The following PTPRN2 variants were observed in gnomAD, a reference collection of about 807,000 sequenced individuals.
PTPRN2 encodes receptor-type tyrosine-protein phosphatase N2.
PTPRN2 carries 74 observed loss-of-function variants against 118.8 expected under a neutral mutation model. That is an observed-to-expected ratio of 0.62 (90% CI 0.52 to 0.76). The LOEUF (loss-of-function observed/expected upper bound fraction) is 0.76. PTPRN2 is among the 30% of genes least tolerant of loss of function. PTPRN2 has a pLI of 0.00. For synonymous variants in PTPRN2, 641 were observed against 608.0 expected (o/e 1.05, Z -0.80); for missense variants, 1,481 against 1,394.4 (o/e 1.06, Z -0.99).
At chr7:157,822,987 C>T (rs1806945769) in intron 12 of PTPRN2, among the ~76,000 whole-genome samples, 2 of 152,124 alleles carry the variant, frequency 1.3e-5, no homozygotes, top group African/African-American at 4.8e-5. Context: ...ATTCATCCAT[C>T]CACCCATGAT....
intron 3 of PTPRN2, among the ~76,000 whole-genome samples, chr7:158,263,723 GC>G (rs1184932962): frequency 6.6e-6 from 1 of 152,196 alleles, no homozygotes; most frequent in Non-Finnish European, 1.5e-5. Flanking sequence ...CACCTCAACG[GC>G]CCTTTTCCCA....
At chr7:157,876,449 G>A (rs552401620) in intron 12 of PTPRN2, among the ~76,000 whole-genome samples, 2 of 152,310 alleles carry the variant, frequency 1.3e-5, no homozygotes, top group South Asian at 4.1e-4. Flanking sequence ...TTTTCCTGTG[G>A]CAAGTTATCC....
intron 11 of PTPRN2, among the ~76,000 whole-genome samples, chr7:157,960,993 C>T (rs1188855506): frequency 2.6e-5 from 4 of 151,196 alleles, no homozygotes; most frequent in Admixed American, 6.6e-5. Flanking sequence ...GGTGACAGAG[C>T]GAGACTCCGT....
At chr7:157,775,223 C>T (rs879923286) in intron 12 of PTPRN2, among the ~76,000 whole-genome samples, 5 of 152,196 alleles carry the variant, frequency 3.3e-5, no homozygotes, top group South Asian at 2.1e-4. Context: ...GGCAACCACT[C>T]GCTCTCACCC....
At chr7:157,588,858 C>T (rs1371407733) in intron 17 of PTPRN2, among the ~76,000 whole-genome samples, 2 of 152,088 alleles carry the variant, frequency 1.3e-5, no homozygotes, top group African/African-American at 2.4e-5. Context: ...TGCCTCCCAC[C>T]AGCTGTGTGG....
At chr7:158,273,730 CACA>C (rs1379185791) in intron 3 of PTPRN2, among the ~76,000 whole-genome samples, 1 of 127,198 alleles carries the variant, frequency 7.9e-6, no homozygotes, top group Non-Finnish European at 1.6e-5. Context: ...GGAGGAGACA[CACA>C]AGGAGCCGCA....
chr7:158,435,001 C>A (rs1816478993), intron 2 of PTPRN2, among the ~76,000 whole-genome samples: 1 of 152,084 alleles, frequency 6.6e-6, no homozygotes, highest in Admixed American at 6.5e-5. Context: ...CTGTAAACCG[C>A]CTAGAAGGAA....
intron 11 of PTPRN2, among the ~76,000 whole-genome samples, chr7:158,019,152 G>A (rs1004419269): frequency 6.6e-6 from 1 of 152,306 alleles, no homozygotes; most frequent in East Asian, 1.9e-4. Flanking sequence ...AAGGGCTCAC[G>A]CAGGCCCATC....
chr7:158,067,643 C>G (rs76275928), intron 11 of PTPRN2, among the ~76,000 whole-genome samples: 1,777 of 152,252 alleles, frequency 0.012, 30 homozygotes, highest in African/African-American at 0.04. Context: ...TCGGGCAGTC[C>G]ACCGTGACCA....
chr7:158,458,929 C>G (rs1299848642), intron 2 of PTPRN2, among the ~76,000 whole-genome samples: 1 of 152,152 alleles, frequency 6.6e-6, no homozygotes, highest in Non-Finnish European at 1.5e-5. Context: ...ACAGGCCAGA[C>G]AAGGGAAACT....
At chr7:157,668,692 A>G (rs1796259215) in intron 13 of PTPRN2, among the ~76,000 whole-genome samples, 1 of 152,178 alleles carries the variant, frequency 6.6e-6, no homozygotes, top group Admixed American at 6.5e-5. Flanking sequence ...GCCCGGTGCA[A>G]CCACAGGTGG....
In PTPRN2 at chr7:157,992,036, G is replaced by A. The variant is rs143843772; in HGVS notation, c.1723+89262C>T. ...CCAGTATTTGAGAACAGACGCCTGA[G>A]TGCCGGGACTCGGCCCACAGCCCAT... On this transcript the variant is annotated intron_variant, in intron 11 of 22. Transcript: ENST00000389418. Among the ~76,000 whole-genome samples the A allele has an allele frequency of 3.7e-3, 570 of 152,362 alleles. 1 individual carries two copies. Among genetic ancestry groups the A allele is most frequent in the Non-Finnish European group, 6.5e-3 (445 of 68,030 alleles).
At chr7:158,228,331 C>T (rs998232067) in intron 3 of PTPRN2, among the ~76,000 whole-genome samples, 3 of 152,110 alleles carry the variant, frequency 2.0e-5, no homozygotes, top group South Asian at 2.1e-4. Flanking sequence ...GTTCAGAGAT[C>T]GCCCTCTACC....
At chr7:158,379,443 A>C (rs1441349612) in intron 2 of PTPRN2, among the ~76,000 whole-genome samples, 1 of 152,212 alleles carries the variant, frequency 6.6e-6, no homozygotes, top group Admixed American at 6.5e-5. Context: ...ATTACACAGG[A>C]AGGAAAAGCT....
intron 2 of PTPRN2, among the ~76,000 whole-genome samples, chr7:158,478,859 A>G (rs1330340884): frequency 6.6e-6 from 1 of 152,190 alleles, no homozygotes; most frequent in African/African-American, 2.4e-5. Flanking sequence ...AGAAAAAGAC[A>G]AAACTCAGTG....
At chr7:157,714,101 C>T (rs139343678) in intron 12 of PTPRN2, among the ~76,000 whole-genome samples, 2 of 152,298 alleles carry the variant, frequency 1.3e-5, no homozygotes, top group African/African-American at 2.4e-5. Flanking sequence ...GACTATATGA[C>T]GATGACATTC....
chr7:158,289,405 A>C (rs1360832763), intron 3 of PTPRN2, among the ~76,000 whole-genome samples: 1 of 152,114 alleles, frequency 6.6e-6, no homozygotes, highest in Non-Finnish European at 1.5e-5. Context: ...ACCTGTCTTT[A>C]AGTTCACGGA....
At chr7:158,114,019 C>T (rs575821927) in intron 9 of PTPRN2, among the ~76,000 whole-genome samples, 3 of 152,340 alleles carry the variant, frequency 2.0e-5, no homozygotes, top group African/African-American at 7.2e-5. Context: ...GCCTGTCCTG[C>T]CCAGCCAGTG....
intron 2 of PTPRN2, among the ~76,000 whole-genome samples, chr7:158,407,126 CCTGGGTCCT>C (rs1813519296): frequency 1.3e-5 from 2 of 150,492 alleles, no homozygotes; most frequent in South Asian, 2.1e-4. Context: ...CGTCCTGGGT[CCTGGGTCCT>C]GCGTCCTGCG....
Sources: gnomAD v4.1 joint callset for allele counts (sites outside exome capture counted in the v4.1 genomes callset) on GRCh38, gnomAD v4.1.1 for gene constraint, MANE v1.5 for transcripts, NCBI Gene and HGNC (gene_info 2026-07-23, HGNC 2026-07-21) for gene names.